The following FOXK1 variants were observed in gnomAD, a reference collection of about 807,000 sequenced individuals.
The protein encoded by FOXK1 is forkhead box protein K1.
Under a neutral mutation model 51.9 loss-of-function variants are expected in FOXK1, and 19 were observed. That is an observed-to-expected ratio of 0.37 (90% confidence interval 0.26 to 0.54). The LOEUF (loss-of-function observed/expected upper bound fraction) is 0.54, where lower values mean the gene tolerates loss of function less well. Ranked by LOEUF, FOXK1 falls within the 20% of genes least tolerant of loss-of-function variation. The probability of loss-of-function intolerance (pLI) is 0.87; values close to 1 mark genes in which losing one functional copy is unlikely to be tolerated. For missense variants in FOXK1, 870 were observed against 1,032.7 expected (o/e 0.84, Z 2.16); for synonymous variants, 537 against 482.6 (o/e 1.11, Z -1.48).
intron 2 of FOXK1, among the ~76,000 whole-genome samples, chr7:4,750,160 GT>G (rs1282644821): frequency 2.0e-5 from 3 of 152,214 alleles, no homozygotes; most frequent in African/African-American, 7.2e-5. Context: ...GCTGCTTACT[GT>G]GCTTCTTCCC....
chr7:4,757,107 G>A lies in FOXK1; in HGVS notation c.1164G>A (p.Lys388=). 3 of 1,613,748 alleles carry A rather than the reference G, an allele frequency of 1.9e-6. No homozygotes were observed. The highest frequency in any genetic ancestry group is 2.5e-6 in the Non-Finnish European group (3 of 1,179,986). The change falls in exon 5 of 9, where the codon AAG becomes AAA. Residue 388 remains lysine, a synonymous_variant. Transcript: ENST00000328914. ...GAATAGACCCTGCCTCTGAAGCCAA[G>A]CTCGTGGAACAGGCATTCCGGAAAC... ...FWRIDPASEA[K]LVEQAFRKRR... is the part of the protein sequence containing the mutation.
At chr7:4,701,256 G>C (rs1270129405) in intron 1 of FOXK1, among the ~76,000 whole-genome samples, 1 of 152,172 alleles carries the variant, frequency 6.6e-6, no homozygotes, top group African/African-American at 2.4e-5. Flanking sequence ...CAAAGGACGG[G>C]GGGCTAGAAG....
chr7:4,688,127 C>T (rs1231089790), intron 1 of FOXK1, among the ~76,000 whole-genome samples: 1 of 152,050 alleles, frequency 6.6e-6, no homozygotes, highest in Non-Finnish European at 1.5e-5. Flanking sequence ...CAGCAGCTAT[C>T]ATCTTGTGGC....
At chr7:4,689,108 G>A (rs1393250349) in intron 1 of FOXK1, among the ~76,000 whole-genome samples, 1 of 151,998 alleles carries the variant, frequency 6.6e-6, no homozygotes, top group Non-Finnish European at 1.5e-5. Flanking sequence ...CTCCTGAGTA[G>A]CTGGGATTAC....
Position 4,682,341 on chromosome 7 carries a change from C to G in FOXK1, c.33C>G (p.Arg11=). Residue 11 remains arginine (R), a synonymous_variant, in exon 1 of 9, where the codon CGC becomes CGG. Coordinates refer to ENST00000328914, the MANE Select transcript of FOXK1 (RefSeq NM_001037165.2). This position sits in a 1 kb window ranked among gnomAD's most constrained non-coding sequence, Gnocchi z 7.6. MAEVGEDSGA[R]ALLALRSAPC... Reference sequence around the variant, plus strand: ...AAGTCGGCGAGGACAGCGGCGCCCGCGCCCTGCTCGCGCTGCGCTCGGCGC... The same window carrying G: ...AAGTCGGCGAGGACAGCGGCGCCCGGGCCCTGCTCGCGCTGCGCTCGGCGC... The G allele has an allele frequency of 5.0e-6, 5 of 994,224 alleles. No individual in the cohort carries two copies. The highest frequency in any genetic ancestry group is 6.0e-6 in the Non-Finnish European group (5 of 837,418). 61.6% of individuals were successfully genotyped at this position (994,224 alleles called of 1,614,324 possible).
chr7:4,705,807 A>AT (rs1395425237), intron 1 of FOXK1, among the ~76,000 whole-genome samples: 43 of 145,728 alleles, frequency 3.0e-4, no homozygotes, highest in African/African-American at 1.1e-3. Flanking sequence ...TCAAAGTGGG[A>AT]TTACATGTGT....
chr7:4,718,219 G>C (rs1199168599), intron 1 of FOXK1, among the ~76,000 whole-genome samples: 1 of 152,210 alleles, frequency 6.6e-6, no homozygotes, highest in Non-Finnish European at 1.5e-5. Context: ...TCGGTGCGCT[G>C]TGTGTGGTTC....
rs1169901986 is a variant in FOXK1 at position 4,730,953 on chromosome 7, G to T, written c.561-9885G>T. On this transcript the variant is annotated intron_variant, in intron 1 of 8. Transcript: ENST00000328914. The surrounding 1 kb of genome is among the most constrained non-coding windows in gnomAD (Gnocchi z 4.7). ...AGGCCGAGGCAGGAGGATCCCTTGA[G>T]GCCAGGAGTTGGAGACTAGCCTGGG... Among the ~76,000 whole-genome samples the T allele has an allele frequency of 2.6e-5, 4 of 152,084 alleles. No individual in the cohort carries two copies. The highest frequency in any genetic ancestry group is 5.9e-5 in the Non-Finnish European group (4 of 68,010).
In FOXK1 at chr7:4,759,514, A is replaced by C. The variant is rs751569462; in HGVS notation, c.1615A>C (p.Ile539Leu). 3.0e-5 allele frequency: 47 copies of C among 1,572,200 alleles called. No homozygotes were observed. In the Admixed American group the frequency reaches 3.2e-4, roughly 11 times the overall value. Residue 539 changes from isoleucine to leucine, a missense_variant, in exon 7 of 9, where the codon ATC becomes CTC. Coordinates refer to ENST00000328914, the MANE Select transcript of FOXK1 (RefSeq NM_001037165.2). ...ATCTGCCAACTCGGCCAACGGATACATCCTCACCAGCCAGGGCGCGGCGGG... is the reference window on the plus strand; with the variant it reads ...ATCTGCCAACTCGGCCAACGGATACCTCCTCACCAGCCAGGGCGCGGCGGG... ...TTSANSANGY[I>L]LTSQGAAGGS...
rs1292318419 is a variant in FOXK1 at position 4,731,778 on chromosome 7, GAAAAC to G, written c.561-9058_561-9054del. Among the ~76,000 whole-genome samples, 1 of 140,768 alleles carries G rather than the reference GAAAAC, an allele frequency of 7.1e-6. No homozygotes were observed. The highest frequency in any genetic ancestry group is 7.1e-5 in the Admixed American group (1 of 14,108). 92.3% of individuals were successfully genotyped at this position (140,768 alleles called of 152,430 possible). ...TGCCTCAAAAAAAAAAAAAAAAAAA[GAAAAC>G]AGAGAGGCCTGCTTATAACACCATC... On this transcript the variant is annotated intron_variant, in intron 1 of 8. Coordinates refer to ENST00000328914, the MANE Select transcript of FOXK1 (RefSeq NM_001037165.2). The surrounding 1 kb of genome is among the most constrained non-coding windows in gnomAD (Gnocchi z 5.3).
At position 4,707,837 on chromosome 7, in the gene FOXK1, C is replaced by G. The variant is rs1780124093; in HGVS notation, c.560+24969C>G. ...GTAGCTGGGATGATAGGGCCCGCCA[C>G]CGTGTCCGGCTAATTTTTGTATTTT... is the stretch of plus-strand genomic sequence containing the variant. On this transcript the variant is annotated intron_variant, in intron 1 of 8. Coordinates refer to ENST00000328914, the MANE Select transcript of FOXK1 (RefSeq NM_001037165.2). The surrounding 1 kb of genome is among the most constrained non-coding windows in gnomAD (Gnocchi z 4.1). Among the ~76,000 whole-genome samples, 2 of 152,040 alleles carry G rather than the reference C, an allele frequency of 1.3e-5. No individual in the cohort carries two copies. Among genetic ancestry groups the G allele is most frequent in the South Asian group, 4.1e-4 (2 of 4,824 alleles).
At chr7:4,713,250 G>A (rs540673622) in intron 1 of FOXK1, among the ~76,000 whole-genome samples, 1 of 152,142 alleles carries the variant, frequency 6.6e-6, no homozygotes, top group African/African-American at 2.4e-5. Context: ...TTTCTTTTCT[G>A]TACTGATCGT....
At chr7:4,706,528 G>A (rs1158558704) in intron 1 of FOXK1, among the ~76,000 whole-genome samples, 2 of 152,128 alleles carry the variant, frequency 1.3e-5, no homozygotes, top group Non-Finnish European at 2.9e-5. Context: ...GCATGGCTGG[G>A]TGTCTGTGGT....
chr7:4,752,689 T>C (rs916280810), intron 2 of FOXK1, among the ~76,000 whole-genome samples: 1 of 152,234 alleles, frequency 6.6e-6, no homozygotes, highest in African/African-American at 2.4e-5. Flanking sequence ...CTCGGCTCAG[T>C]GGTCCCCAGC....
chr7:4,763,293 G>A lies in FOXK1; in HGVS notation c.*829G>A, dbSNP rs987138161. 1 of 152,240 alleles carries A rather than the reference G, an allele frequency of 6.6e-6. No homozygotes were observed. The highest frequency in any genetic ancestry group is 2.4e-5 in the African/African-American group (1 of 41,466). 9.4% of individuals were successfully genotyped at this position (152,240 alleles called of 1,614,324 possible). A position where few individuals can be genotyped will look rare whatever the true frequency, so the allele number is the denominator to read the frequency against. On this transcript the variant is annotated 3_prime_UTR_variant, in exon 9 of 9. Transcript: ENST00000328914. ...GATGAAAGGTGAGCCTGGATCCGCC[G>A]GCCGCAGACATCGCGCTGCTGGGGA...
Position 4,709,543 on chromosome 7 carries a change from C to T in FOXK1, c.560+26675C>T, listed in dbSNP as rs1252118881. ...CTGGCCCGTGACCGGGGCAGGCGGA[C>T]CTTCTCCGGGAGCCCTGTGCACAGT... On this transcript the variant is annotated intron_variant, in intron 1 of 8. Transcript: ENST00000328914. This position sits in a 1 kb window ranked among gnomAD's most constrained non-coding sequence, Gnocchi z 5.6. Among the ~76,000 whole-genome samples the T allele has an allele frequency of 1.3e-5, 2 of 152,196 alleles. No individual in the cohort carries two copies. Among genetic ancestry groups the T allele is most frequent in the Admixed American group, 6.5e-5 (1 of 15,268 alleles).
chr7:4,698,245 C>T (rs536280218), intron 1 of FOXK1, among the ~76,000 whole-genome samples: 5 of 151,804 alleles, frequency 3.3e-5, no homozygotes, highest in African/African-American at 1.2e-4. Flanking sequence ...TAGTGCTCTG[C>T]CATGTTTAGC....
At chr7:4,686,103 T>A (rs1779814632) in intron 1 of FOXK1, among the ~76,000 whole-genome samples, 1 of 152,216 alleles carries the variant, frequency 6.6e-6, no homozygotes, top group Non-Finnish European at 1.5e-5. Flanking sequence ...CAGGAATTAC[T>A]GTGTCTGTTT....
At position 4,734,809 on chromosome 7, in the gene FOXK1, C is replaced by T. The variant is rs1246362799; in HGVS notation, c.561-6029C>T. 1.3e-5 allele frequency among the ~76,000 whole-genome samples: 2 copies of T among 152,184 alleles called. No individual in the cohort carries two copies. Among genetic ancestry groups the T allele is most frequent in the African/African-American group, 4.8e-5 (2 of 41,442 alleles). The stretch of plus-strand genomic sequence containing the variant: ...CCGCTTCTGTGTTGGGTGCCCTCGT[C>T]CAGGCCTCGGGTTCACCCCATCCAG... On this transcript the variant is annotated intron_variant, in intron 1 of 8. Coordinates refer to ENST00000328914, the MANE Select transcript of FOXK1 (RefSeq NM_001037165.2). The surrounding 1 kb of genome is among the most constrained non-coding windows in gnomAD (Gnocchi z 5.2).
Sources: gnomAD v4.1 joint callset for allele counts (sites outside exome capture counted in the v4.1 genomes callset) on GRCh38, gnomAD v4.1.1 for gene constraint, Gnocchi (gnomAD v3.1) non-coding constraint, MANE v1.5 for transcripts, NCBI Gene and HGNC (gene_info 2026-07-23, HGNC 2026-07-21) for gene names.